EPC2: variants seen among roughly 807,000 people sequenced by gnomAD.
EPC2 encodes enhancer of polycomb 2, also known as enhancer of polycomb homolog 2.
A neutral mutation model predicts 92.1 loss-of-function variants in EPC2; 14 were observed. The observed-to-expected ratio is 0.15, with a 90% CI of 0.10 to 0.24. The LOEUF is 0.24. EPC2 is among the 10% of genes least tolerant of loss of function. The pLI, the probability that EPC2 is intolerant of heterozygous loss-of-function variation, is 1.00. For missense variants in EPC2, 755 were observed against 971.5 expected, an observed-to-expected ratio of 0.78 and a Z score of 2.96; for synonymous variants, 340 against 334.7, an observed-to-expected ratio of 1.02 and a Z score of -0.17.
intron 10 of EPC2, among the ~76,000 whole-genome samples, chr2:148,774,950 G>A (rs563345591): frequency 4.0e-5 from 6 of 151,794 alleles, no homozygotes; most frequent in East Asian, 3.9e-4. Context: ...TTAGCCAGGC[G>A]TGGTGGTGGG....
intron 1 of EPC2, among the ~76,000 whole-genome samples, chr2:148,685,604 CA>C (rs973247179): frequency 1.3e-5 from 2 of 152,042 alleles, no homozygotes; most frequent in East Asian, 1.9e-4. Flanking sequence ...ACTAAAAATA[CA>C]AAAAAATTAG....
At chr2:148,646,413 G>A (rs560579424) in intron 1 of EPC2, among the ~76,000 whole-genome samples, 8 of 152,236 alleles carry the variant, frequency 5.3e-5, no homozygotes, top group African/African-American at 1.7e-4. Flanking sequence ...AGTAGAAAAT[G>A]CATATGGCCG....
chr2:148,677,705 G>C (rs1574576369), intron 1 of EPC2, among the ~76,000 whole-genome samples: 1 of 152,140 alleles, frequency 6.6e-6, no homozygotes, highest in African/African-American at 2.4e-5. Flanking sequence ...CTGATGTTCA[G>C]ATGTGTTCGG....
intron 4 of EPC2, among the ~76,000 whole-genome samples, chr2:148,756,039 T>G (rs2105418288): frequency 6.6e-6 from 1 of 152,352 alleles, no homozygotes; most frequent in Admixed American, 6.5e-5. Flanking sequence ...TTAGCAGTAT[T>G]TATTGGCATA....
intron 2 of EPC2, among the ~76,000 whole-genome samples, chr2:148,697,526 A>G (rs1243418723): frequency 2.0e-5 from 3 of 152,202 alleles, no homozygotes; most frequent in African/African-American, 4.8e-5. Context: ...CACACACTTC[A>G]TATTTTACTG....
intron 1 of EPC2, among the ~76,000 whole-genome samples, chr2:148,667,792 C>T (rs1409745822): frequency 1.3e-5 from 2 of 152,136 alleles, no homozygotes; most frequent in Admixed American, 6.5e-5. Flanking sequence ...AGATTGAAGA[C>T]ATTCTTTTGT....
chr2:148,645,232 G>T, intron 1 of EPC2, 62 bp downstream of exon 1: 1 of 1,410,664 alleles, frequency 7.1e-7, no homozygotes, highest in Admixed American at 2.2e-5. Flanking sequence ...TGTCAGTCGG[G>T]CCTCGCCATT....
intron 2 of EPC2, among the ~76,000 whole-genome samples, chr2:148,741,169 A>C (rs1177636498): frequency 6.6e-6 from 1 of 152,154 alleles, no homozygotes; most frequent in Non-Finnish European, 1.5e-5. Context: ...CCTCTGATTT[A>C]ACTTTAGATT....
At chr2:148,666,574 A>G (rs1393666762) in intron 1 of EPC2, among the ~76,000 whole-genome samples, 1 of 152,260 alleles carries the variant, frequency 6.6e-6, no homozygotes, top group Non-Finnish European at 1.5e-5. Flanking sequence ...GTTTCAGCAG[A>G]TAAAATTACT....
In EPC2 at chr2:148,778,649, A is replaced by G. The variant is rs550479342; in HGVS notation, c.1721-2995A>G. ...CATACCACTTTTCCTCCTCCCTGAA[A>G]TAATAAAGGAGTTAGAAAGGATGTT... On this transcript the variant is annotated intron_variant, in intron 10 of 13. Coordinates refer to ENST00000258484, the MANE Select transcript of EPC2 (RefSeq NM_015630.4). 4.6e-5 allele frequency among the ~76,000 whole-genome samples: 7 copies of G among 151,912 alleles called. No homozygotes were observed. In the East Asian group the frequency reaches 1.4e-3, roughly 29 times the overall value.
intron 10 of EPC2, among the ~76,000 whole-genome samples, chr2:148,776,323 T>G (rs1461834540): frequency 6.6e-6 from 1 of 152,146 alleles, no homozygotes; most frequent in Admixed American, 6.5e-5. Context: ...TAAAAGGAAA[T>G]AATGAAATTT....
At chr2:148,723,801 A>G (rs933624259) in intron 2 of EPC2, among the ~76,000 whole-genome samples, 1 of 152,082 alleles carries the variant, frequency 6.6e-6, no homozygotes, top group African/African-American at 2.4e-5. Flanking sequence ...AGGTTGATAT[A>G]CTTAAATTTC....
chr2:148,757,608 C>T (rs184211544), intron 4 of EPC2, among the ~76,000 whole-genome samples: 29 of 151,904 alleles, frequency 1.9e-4, no homozygotes, highest in Non-Finnish European at 3.4e-4. Context: ...GAGACTGAGG[C>T]GGGTGGATCA....
rs73018694 is a variant in EPC2 at position 148,697,399 on chromosome 2, A to G, written c.313+7026A>G. 9.9e-3 allele frequency among the ~76,000 whole-genome samples: 1,514 copies of G among 152,172 alleles called. 24 individuals are homozygous for G. The highest frequency in any genetic ancestry group is 0.034 in the African/African-American group (1,422 of 41,484). ...CAGACGTGTATAACTGTGATGATGC[A>G]CTGTTCTCATTTGGCCTGGCAGAAG... On this transcript the variant is annotated intron_variant, in intron 2 of 13. Coordinates refer to ENST00000258484, the MANE Select transcript of EPC2 (RefSeq NM_015630.4).
intron 3 of EPC2, 115 bp from the exon 4 acceptor site, chr2:148,753,812 A>G: frequency 1.4e-6 from 1 of 711,638 alleles, no homozygotes; most frequent in Non-Finnish European, 2.3e-6. Context: ...ACTTACTATA[A>G]TATTATCTGT....
intron 12 of EPC2, 37 bp from the exon 13 acceptor site, chr2:148,784,631 C>G: frequency 7.2e-7 from 1 of 1,394,686 alleles, no homozygotes; most frequent in South Asian, 1.3e-5. Flanking sequence ...GTATTGATGT[C>G]TCATGATACT....
rs764362369 is a variant in EPC2 at position 148,736,926 on chromosome 2, C to T, written c.314-6696C>T. ...AGCAGCCTGGGGAACATGGTGAAAC[C>T]CCATTTCTACAAAAAAAAAAAAAAA... On this transcript the variant is annotated intron_variant, in intron 2 of 13. Transcript: ENST00000258484. Among the ~76,000 whole-genome samples the T allele has an allele frequency of 9.9e-4, 150 of 151,080 alleles. 2 individuals carry two copies. The highest frequency in any genetic ancestry group is 3.1e-3 in the East Asian group (16 of 5,154).
chr2:148,708,365 CA>C (rs1392683154), intron 2 of EPC2, among the ~76,000 whole-genome samples: 2 of 152,130 alleles, frequency 1.3e-5, no homozygotes, highest in South Asian at 4.2e-4. Context: ...GCCTACCAAC[CA>C]AAAAAAGTCC....
chr2:148,678,563 GC>G (rs1216728963), intron 1 of EPC2, among the ~76,000 whole-genome samples: 1 of 152,248 alleles, frequency 6.6e-6, no homozygotes, highest in Admixed American at 6.5e-5. Flanking sequence ...GGCAGCTAAG[GC>G]CCTGCGAGAA....
Sources: gnomAD v4.1 joint callset for allele counts (sites outside exome capture counted in the v4.1 genomes callset) on GRCh38, gnomAD v4.1.1 for gene constraint, MANE v1.5 for transcripts, NCBI Gene and HGNC (gene_info 2026-07-23, HGNC 2026-07-21) for gene names.